The following PLCB1 variants were observed in gnomAD, a reference collection of about 807,000 sequenced individuals.
PLCB1 encodes the protein 1-phosphatidylinositol 4,5-bisphosphate phosphodiesterase beta-1.
A neutral mutation model predicts 161.8 loss-of-function variants in PLCB1; 46 were observed. That is an observed-to-expected ratio of 0.28 (90% CI 0.22 to 0.36). The LOEUF (loss-of-function observed/expected upper bound fraction) is 0.36. PLCB1 is among the 10% of genes least tolerant of loss of function. The probability of loss-of-function intolerance (pLI) is 1.00; values close to 1 mark genes in which losing one functional copy is unlikely to be tolerated. For synonymous variants in PLCB1, 517 were observed against 503.7 expected, an observed-to-expected ratio of 1.03 and a Z score of -0.35; for missense variants, 1,016 against 1,472.5, an observed-to-expected ratio of 0.69 and a Z score of 5.07.
intron 2 of PLCB1, among the ~76,000 whole-genome samples, chr20:8,332,225 G>A (rs1985391589): frequency 1.3e-5 from 2 of 152,220 alleles, no homozygotes; most frequent in South Asian, 4.1e-4. Flanking sequence ...CTGCTTTCCA[G>A]CAGTGGGGAA....
chr20:8,409,533 G>T lies in PLCB1; in HGVS notation c.246+38083G>T, dbSNP rs867419842. The stretch of plus-strand genomic sequence containing the variant: ...GCTGAAGTGCAATGGCATGGTCTTG[G>T]CTCACTGCAACCTCTGCCTCCCAGG... On this transcript the variant is annotated intron_variant, in intron 3 of 31. Coordinates refer to ENST00000338037, the MANE Select transcript of PLCB1 (RefSeq NM_015192.4). Among the ~76,000 whole-genome samples the T allele has an allele frequency of 1.3e-4, 19 of 151,876 alleles. 2 individuals carry two copies. Among genetic ancestry groups the T allele is most frequent in the Middle Eastern group, 6.8e-3 (2 of 294 alleles).
chr20:8,433,187 A>G (rs983938308), intron 3 of PLCB1, among the ~76,000 whole-genome samples: 35 of 152,244 alleles, frequency 2.3e-4, no homozygotes, highest in African/African-American at 8.4e-4. Context: ...TTAAGAGGAA[A>G]GCCTCAGACT....
rs551542429 is a variant in PLCB1, at chr20:8,367,368, G to C, written c.178-4014G>C. ...CACCTGGAGGTTTATTTGAGATGCA[G>C]ATTCTCAGGCCTGCCTCAGACTCAC... is the stretch of plus-strand genomic sequence containing the variant. On this transcript the variant is annotated intron_variant, in intron 2 of 31. Coordinates refer to ENST00000338037, the MANE Select transcript of PLCB1 (RefSeq NM_015192.4). Among the ~76,000 whole-genome samples the C allele has an allele frequency of 6.6e-5, 10 of 152,330 alleles. No individual in the cohort carries two copies. In the South Asian group the frequency reaches 1.0e-3, roughly 16 times the overall value.
intron 3 of PLCB1, among the ~76,000 whole-genome samples, chr20:8,528,900 C>A (rs1600130364): frequency 6.6e-6 from 1 of 151,842 alleles, no homozygotes; most frequent in South Asian, 2.1e-4. Flanking sequence ...AAAAGAGCAT[C>A]AGATATGAAG....
intron 23 of PLCB1, among the ~76,000 whole-genome samples, chr20:8,756,779 T>A (rs1981756873): frequency 6.6e-6 from 1 of 152,174 alleles, no homozygotes; most frequent in Admixed American, 6.5e-5. Context: ...AATCACATGG[T>A]CTGGTCCAGA....
At chr20:8,269,230 C>A (rs184940081) in intron 2 of PLCB1, among the ~76,000 whole-genome samples, 2 of 152,044 alleles carry the variant, frequency 1.3e-5, no homozygotes, top group Non-Finnish European at 1.5e-5. Flanking sequence ...GCTATCCCTA[C>A]CCCATCCCCC....
chr20:8,290,624 A>G (rs1983344142), intron 2 of PLCB1, among the ~76,000 whole-genome samples: 1 of 152,204 alleles, frequency 6.6e-6, no homozygotes, highest in Admixed American at 6.5e-5. Context: ...TTGAAGCTGT[A>G]GGGTTGGGTC....
rs1600113944 is a variant in PLCB1, at chr20:8,882,862, T to A, written c.*1013T>A. The A allele has an allele frequency of 2.0e-5, 3 of 152,750 alleles. No individual in the cohort carries two copies. 9.5% of individuals were successfully genotyped at this position (152,750 alleles called of 1,614,324 possible). On this transcript the variant is annotated 3_prime_UTR_variant, in exon 32 of 32. Coordinates refer to ENST00000338037, the MANE Select transcript of PLCB1 (RefSeq NM_015192.4). Reference sequence around the variant, plus strand: ...GATAGGTATTATCTCCATGTATATATGTACCCACTTAGTCATGTAAGTGCA... The same window carrying A: ...GATAGGTATTATCTCCATGTATATAAGTACCCACTTAGTCATGTAAGTGCA...
chr20:8,423,866 G>A (rs937272777), intron 3 of PLCB1, among the ~76,000 whole-genome samples: 1 of 152,092 alleles, frequency 6.6e-6, no homozygotes, highest in African/African-American at 2.4e-5. Flanking sequence ...TCTATGCATC[G>A]CTCAGAGCTT....
intron 4 of PLCB1, 90 bp from the exon 5 acceptor site, chr20:8,646,012 T>A: frequency 1.2e-6 from 1 of 851,802 alleles, no homozygotes; most frequent in Non-Finnish European, 2.0e-6. Context: ...CACATTGAAC[T>A]AATGTGTCTT....
At chr20:8,208,525 GT>G (rs996742619) in intron 2 of PLCB1, among the ~76,000 whole-genome samples, 4 of 150,400 alleles carry the variant, frequency 2.7e-5, no homozygotes, top group African/African-American at 7.3e-5. Context: ...TATGGAGTAG[GT>G]TTTTTTTTCA....
intron 3 of PLCB1, among the ~76,000 whole-genome samples, chr20:8,404,412 A>G (rs1385666756): frequency 6.6e-6 from 1 of 152,162 alleles, no homozygotes; most frequent in Non-Finnish European, 1.5e-5. Flanking sequence ...GCATTTCTCT[A>G]TGTAAAGCAC....
At chr20:8,352,907 A>G (rs1276417199) in intron 2 of PLCB1, among the ~76,000 whole-genome samples, 1 of 152,164 alleles carries the variant, frequency 6.6e-6, no homozygotes, top group Non-Finnish European at 1.5e-5. Context: ...TTTTAGCTTA[A>G]TATACATGCA....
chr20:8,842,493 A>G (rs1475030034), intron 31 of PLCB1, among the ~76,000 whole-genome samples: 1 of 152,160 alleles, frequency 6.6e-6, no homozygotes, highest in African/African-American at 2.4e-5. Context: ...TCTGTACGTA[A>G]TAGGTTTTAT....
chr20:8,532,050 G>C (rs2122920467), intron 3 of PLCB1, among the ~76,000 whole-genome samples: 1 of 152,020 alleles, frequency 6.6e-6, no homozygotes, highest in Admixed American at 6.6e-5. Flanking sequence ...GGTTAAGTTG[G>C]GGTTTAGAGG....
rs115673011 is a variant in PLCB1 at position 8,435,950 on chromosome 20, C to T, written c.246+64500C>T. Among the ~76,000 whole-genome samples the T allele has an allele frequency of 3.1e-3, 479 of 152,210 alleles. 2 individuals are homozygous for T. The highest frequency in any genetic ancestry group is 0.011 in the African/African-American group (462 of 41,534). On this transcript the variant is annotated intron_variant, in intron 3 of 31. Transcript: ENST00000338037. ...TCTTTAAGGATAGATTGTAATGATGCCAGGTGATTCCTAGATGAGATACAC... is the reference window on the plus strand; with the variant it reads ...TCTTTAAGGATAGATTGTAATGATGTCAGGTGATTCCTAGATGAGATACAC...
rs745553901 is a variant in PLCB1 at position 8,739,352 on chromosome 20, T to C, written c.2300T>C (p.Ile767Thr). The C allele has an allele frequency of 1.2e-6, 2 of 1,606,434 alleles. No individual in the cohort carries two copies. Among genetic ancestry groups the C allele is most frequent in the Non-Finnish European group, 1.7e-6 (2 of 1,172,920 alleles). ...CACCGTATCTTGCCAGTGCAAGCCA[T>C]TCGGCCAGGTATGGGTAGTGTGCTG... Reference protein sequence around the residue: ...IGHRILPVQAIRPGYHYICLR... With the variant: ...IGHRILPVQATRPGYHYICLR... Residue 767 changes from isoleucine to threonine, a missense_variant, in exon 21 of 32, where the codon ATT (isoleucine) becomes ACT (threonine). Around this residue, in one of 10 missense-constraint regions of PLCB1, gnomAD observed 75 missense variants for 117.0 expected, o/e 0.64. Transcript: ENST00000338037.
chr20:8,740,762 A>G (rs1367193074), intron 22 of PLCB1, among the ~76,000 whole-genome samples: 3 of 152,220 alleles, frequency 2.0e-5, no homozygotes, highest in African/African-American at 7.2e-5. Context: ...CTAGGTCTGT[A>G]CACTGAATTT....
At chr20:8,142,796 A>G (rs571482810) in intron 1 of PLCB1, among the ~76,000 whole-genome samples, 2 of 152,348 alleles carry the variant, frequency 1.3e-5, no homozygotes, top group South Asian at 4.1e-4. Context: ...CTGATTTATA[A>G]TGAACTTCCA....
Sources: gnomAD v4.1 joint callset for allele counts (sites outside exome capture counted in the v4.1 genomes callset) on GRCh38, gnomAD v4.1.1 for gene constraint, gnomAD v4.1.1 regional missense constraint, MANE v1.5 for transcripts, NCBI Gene and HGNC (gene_info 2026-07-23, HGNC 2026-07-21) for gene names.